WDR76: variants seen among roughly 807,000 people sequenced by gnomAD.
The protein encoded by WDR76 is WD repeat-containing protein 76.
A neutral mutation model predicts 70.2 loss-of-function variants in WDR76; 52 were observed. The ratio of observed to expected loss-of-function variants is 0.74; its 90% confidence interval spans 0.59 to 0.93. The LOEUF is 0.93. Among genes scored for constraint, WDR76 ranks in the 40% least tolerant of loss-of-function variants. The probability of loss-of-function intolerance (pLI) is 0.00; values close to 1 mark genes in which losing one functional copy is unlikely to be tolerated. For missense variants in WDR76, 756 were observed against 760.2 expected (o/e 0.99, Z 0.07); for synonymous variants, 292 against 271.1 (o/e 1.08, Z -0.76).
intron 9 of WDR76, among the ~76,000 whole-genome samples, chr15:43,854,160 CAG>C (rs1017988536): frequency 6.6e-6 from 1 of 152,114 alleles, no homozygotes; most frequent in African/African-American, 2.4e-5. Flanking sequence ...AAATGTTAAA[CAG>C]AGTTACCATA....
intron 9 of WDR76, among the ~76,000 whole-genome samples, chr15:43,853,344 C>T (rs1011898819): frequency 6.6e-6 from 1 of 151,842 alleles, no homozygotes; most frequent in Non-Finnish European, 1.5e-5. Context: ...TCATGTGTCA[C>T]CATGCTTGGC....
intron 9 of WDR76, 97 bp from the exon 10 acceptor site, chr15:43,856,849 G>A: frequency 9.7e-7 from 1 of 1,030,208 alleles, no homozygotes; most frequent in Non-Finnish European, 1.4e-6. Flanking sequence ...AGGTTATTTG[G>A]GTAAAGTGTT....
At chr15:43,859,054 G>C (rs900219767) in intron 11 of WDR76, among the ~76,000 whole-genome samples, 1 of 152,192 alleles carries the variant, frequency 6.6e-6, no homozygotes, top group African/African-American at 2.4e-5. Flanking sequence ...GTACCCTGGG[G>C]GGTTTATGGT....
intron 4 of WDR76, among the ~76,000 whole-genome samples, chr15:43,837,479 T>C (rs1273670958): frequency 2.0e-5 from 3 of 152,174 alleles, no homozygotes; most frequent in Admixed American, 6.6e-5. Flanking sequence ...TAGCCCTTAA[T>C]AGTTGTATAG....
chr15:43,852,978 T>A (rs548861267), intron 9 of WDR76, among the ~76,000 whole-genome samples: 33 of 152,116 alleles, frequency 2.2e-4, no homozygotes, highest in Non-Finnish European at 4.0e-4. Flanking sequence ...AACTTCCACC[T>A]CCCGGGTTCA....
chr15:43,868,329 C>G lies in WDR76; in HGVS notation c.*1937C>G, dbSNP rs1252260543. 1 of 152,190 alleles carries G rather than the reference C, an allele frequency of 6.6e-6. No individual in the cohort carries two copies. Among genetic ancestry groups the G allele is most frequent in the African/African-American group, 2.4e-5 (1 of 41,440 alleles). 9.4% of individuals were successfully genotyped at this position (152,190 alleles called of 1,614,324 possible). A position where few individuals can be genotyped will look rare whatever the true frequency, so the allele number is the denominator to read the frequency against. The stretch of plus-strand genomic sequence containing the variant: ...GTTTTTAAAGATGCTGAAAACTACT[C>G]TCAATCAAATTAGTACCATCATTTA... On this transcript the variant is annotated 3_prime_UTR_variant, in exon 13 of 13. Transcript: ENST00000263795.
Position 43,842,420 on chromosome 15 carries a change from G to C in WDR76, c.738G>C (p.Leu246Phe), listed in dbSNP as rs2087735995. The C allele has an allele frequency of 6.2e-7, 1 of 1,612,898 alleles. No homozygotes were observed. The highest frequency in any genetic ancestry group is 2.2e-5 in the East Asian group (1 of 44,850). ...PPTLVADETP[L>F]LPPGPLEMTS... The stretch of plus-strand genomic sequence containing the variant: ...CTTTTTATTTTTTATAACAGCCTTT[G>C]TTACCTCCTGGGCCTTTAGAAATGA... Residue 246 changes from leucine to phenylalanine, a missense_variant, in exon 6 of 13, where the codon TTG becomes TTC. Coordinates refer to ENST00000263795, the MANE Select transcript of WDR76 (RefSeq NM_024908.4).
Position 43,860,936 on chromosome 15 carries a change from T to TG in WDR76, c.1563-396dup, listed in dbSNP as rs1555463625. Among the ~76,000 whole-genome samples, 590 of 132,312 alleles carry TG rather than the reference T, an allele frequency of 4.5e-3. 14 individuals are homozygous for TG. The highest frequency in any genetic ancestry group is 0.017 in the African/African-American group (558 of 32,282). 86.8% of individuals were successfully genotyped at this position (132,312 alleles called of 152,430 possible). A position where few individuals can be genotyped will look rare whatever the true frequency, so the allele number is the denominator to read the frequency against. ...TTTTTTTTTTTTTTTTTTTTTTTTTTGTAGACAAGGTTCTCGCTCTGTTGC... is the reference window on the plus strand; with the variant it reads ...TTTTTTTTTTTTTTTTTTTTTTTTTTGGTAGACAAGGTTCTCGCTCTGTTGC... On this transcript the variant is annotated intron_variant, in intron 11 of 12. Transcript: ENST00000263795.
At chr15:43,846,392 T>A (rs1195004121) in intron 8 of WDR76, among the ~76,000 whole-genome samples, 1 of 148,704 alleles carries the variant, frequency 6.7e-6, no homozygotes, top group Non-Finnish European at 1.5e-5. Context: ...GTCAAGCAAT[T>A]CTCCACCTCA....
intron 8 of WDR76, among the ~76,000 whole-genome samples, chr15:43,849,703 A>AG (rs1567188670): frequency 2.0e-5 from 3 of 152,020 alleles, no homozygotes; most frequent in Admixed American, 2.0e-4. Flanking sequence ...ACGCCCGGCT[A>AG]ATTTTTGTAT....
intron 8 of WDR76, among the ~76,000 whole-genome samples, chr15:43,845,763 T>C (rs1001278038): frequency 4.7e-5 from 7 of 150,486 alleles, no homozygotes; most frequent in Admixed American, 2.6e-4. Context: ...CTGTCTGTTA[T>C]TACAAAATTG....
intron 6 of WDR76, 45 bp downstream of exon 6, chr15:43,842,561 G>C: frequency 6.3e-7 from 1 of 1,592,474 alleles, no homozygotes; most frequent in Non-Finnish European, 8.6e-7. Context: ...ATCTGTTAAG[G>C]AAATATATAT....
Position 43,828,336 on chromosome 15 carries a change from A to G in WDR76, c.432A>G (p.Gly144=), listed in dbSNP as rs760256826. 5 of 1,613,498 alleles carry G rather than the reference A, an allele frequency of 3.1e-6. No individual in the cohort carries two copies. In the Admixed American group the frequency reaches 8.3e-5, roughly 27 times the overall value. Residue 144 remains glycine (G), a synonymous_variant, in exon 2 of 13, where the codon GGA becomes GGG. Transcript: ENST00000263795. Reference sequence around the variant, plus strand: ...TTGATGTGGAAAGTAGTCAGGATGGAGACAGTGATGAAGATACCACACCAT... The same window carrying G: ...TTGATGTGGAAAGTAGTCAGGATGGGGACAGTGATGAAGATACCACACCAT... ...LSVDVESSQD[G]DSDEDTTPSL... is the part of the protein sequence containing the mutation.
chr15:43,832,080 G>T (rs2087596851), intron 2 of WDR76, among the ~76,000 whole-genome samples: 1 of 152,176 alleles, frequency 6.6e-6, no homozygotes. Flanking sequence ...TTTGATTGAT[G>T]ACCTAATTGG....
At chr15:43,850,561 C>T (rs2087845236) in intron 8 of WDR76, among the ~76,000 whole-genome samples, 2 of 151,950 alleles carry the variant, frequency 1.3e-5, no homozygotes, top group Admixed American at 6.6e-5. Context: ...TCCCAAAGTG[C>T]TAGGATTACA....
intron 11 of WDR76, among the ~76,000 whole-genome samples, chr15:43,859,028 T>C (rs2087965277): frequency 6.6e-6 from 1 of 152,200 alleles, no homozygotes; most frequent in South Asian, 2.1e-4. Context: ...TCCTTGAGAC[T>C]GGCAAAGGTC....
chr15:43,833,871 G>C (rs894921732), intron 2 of WDR76, among the ~76,000 whole-genome samples: 1 of 152,040 alleles, frequency 6.6e-6, no homozygotes, highest in Non-Finnish European at 1.5e-5. Context: ...TCCTGACCTG[G>C]TGATCTGCCT....
At chr15:43,830,075 C>T (rs548910054) in intron 2 of WDR76, among the ~76,000 whole-genome samples, 1 of 150,384 alleles carries the variant, frequency 6.6e-6, no homozygotes, top group African/African-American at 2.5e-5. Flanking sequence ...AGGTGTTGCC[C>T]AAGCTGGTCT....
intron 12 of WDR76, among the ~76,000 whole-genome samples, chr15:43,863,014 C>T (rs2088022324): frequency 6.6e-6 from 1 of 152,174 alleles, no homozygotes; most frequent in African/African-American, 2.4e-5. Flanking sequence ...CGGCTCACTG[C>T]AGCCTCCGCC....
Sources: allele counts gnomAD v4.1 joint callset (sites outside exome capture counted in the v4.1 genomes callset), GRCh38; gene constraint gnomAD v4.1.1; transcripts MANE v1.5; gene names NCBI Gene and HGNC (gene_info 2026-07-23, HGNC 2026-07-21).